The following TBCK variants were observed in gnomAD, a reference collection of about 807,000 sequenced individuals.
TBCK encodes TBC1 domain containing kinase, also known as TBC domain-containing protein kinase-like protein.
TBCK carries 99 observed loss-of-function variants against 113.4 expected under a neutral mutation model. The observed-to-expected ratio is 0.87, with a 90% confidence interval of 0.74 to 1.03. TBCK has a LOEUF of 1.03. Ranked by LOEUF, TBCK falls within the 50% of genes least tolerant of loss-of-function variation. The pLI is 0.00. For synonymous variants in TBCK, 369 were observed against 370.8 expected, an observed-to-expected ratio of 1.00 and a Z score of 0.05; for missense variants, 1,045 against 1,061.3, an observed-to-expected ratio of 0.98 and a Z score of 0.21.
Position 106,295,155 on chromosome 4 carries a change from C to G in TBCK, c.205G>C (p.Val69Leu). The G allele has an allele frequency of 6.2e-7, 1 of 1,612,206 alleles. No individual in the cohort carries two copies. ...CTACGTTCACAATGTTCAGCCACGA[C>G]CACTAGTCGTTCTGAGAAAAACAAA... Reference protein sequence around the residue: ...ISRGKHERLVVVAEHCERSLE... With the variant: ...ISRGKHERLVLVAEHCERSLE... Residue 69 changes from valine (V) to leucine (L), a missense_variant, in exon 3 of 26, where the codon GTC becomes CTC. Val to Leu is a conservative substitution (Grantham distance 32). Transcript: ENST00000394708.
chr4:106,226,029 T>C (rs1376663449), intron 19 of TBCK, among the ~76,000 whole-genome samples: 3 of 151,870 alleles, frequency 2.0e-5, no homozygotes, highest in African/African-American at 7.3e-5. Context: ...CCAGATGTGG[T>C]GATGCATGCC....
intron 3 of TBCK, among the ~76,000 whole-genome samples, chr4:106,279,760 C>T (rs78066783): frequency 0.018 from 2,765 of 152,168 alleles, 76 homozygotes; most frequent in African/African-American, 0.061. Flanking sequence ...AAATGACAGG[C>T]TCTAATTCTT....
intron 23 of TBCK, among the ~76,000 whole-genome samples, chr4:106,122,889 G>A (rs1365905714): frequency 6.6e-6 from 1 of 152,080 alleles, no homozygotes; most frequent in Non-Finnish European, 1.5e-5. Flanking sequence ...AATAATAAGA[G>A]CTATCTATGA....
intron 10 of TBCK, 52 bp downstream of exon 10, chr4:106,247,087 C>G: frequency 6.4e-7 from 1 of 1,557,414 alleles, no homozygotes; most frequent in Non-Finnish European, 8.7e-7. Flanking sequence ...GACAAGGAAA[C>G]TTCTTTAAAA....
In TBCK at chr4:106,052,761, C is replaced by A. The variant is rs571970799; in HGVS notation, c.2572-6081G>T. ...TGTACATTTTTATTTTAAAAAAAGTCAAAAAATATATAAATATAGACAAGA... is the reference window on the plus strand; with the variant it reads ...TGTACATTTTTATTTTAAAAAAAGTAAAAAAATATATAAATATAGACAAGA... On this transcript the variant is annotated intron_variant, in intron 25 of 25. Coordinates refer to ENST00000394708, the MANE Select transcript of TBCK (RefSeq NM_001163435.3). Among the ~76,000 whole-genome samples, 63 of 151,496 alleles carry A rather than the reference C, an allele frequency of 4.2e-4. 1 individual carries two copies. In the South Asian group the frequency reaches 0.012, roughly 28 times the overall value.
intron 23 of TBCK, among the ~76,000 whole-genome samples, chr4:106,125,850 G>A (rs1022580012): frequency 3.9e-5 from 6 of 152,150 alleles, no homozygotes; most frequent in Non-Finnish European, 5.9e-5. Context: ...GCACAGAAGA[G>A]TGACTATAGT....
At chr4:106,207,925 T>C (rs1414280646) in intron 20 of TBCK, among the ~76,000 whole-genome samples, 2 of 152,236 alleles carry the variant, frequency 1.3e-5, no homozygotes, top group African/African-American at 2.4e-5. Context: ...TCTTAACAAG[T>C]GACAGAACCG....
intron 25 of TBCK, among the ~76,000 whole-genome samples, chr4:106,051,930 G>A (rs541412717): frequency 7.2e-5 from 11 of 151,884 alleles, no homozygotes; most frequent in Non-Finnish European, 1.2e-4. Context: ...GTAGGAAAGA[G>A]GTGGGAATGA....
At chr4:106,107,220 C>T (rs1042690862) in intron 24 of TBCK, among the ~76,000 whole-genome samples, 2 of 152,172 alleles carry the variant, frequency 1.3e-5, no homozygotes, top group Non-Finnish European at 2.9e-5. Context: ...CAGTATTATA[C>T]AGATCACTGA....
intron 2 of TBCK, among the ~76,000 whole-genome samples, chr4:106,306,998 C>CT (rs900351779): frequency 4.6e-5 from 7 of 152,188 alleles, no homozygotes; most frequent in African/African-American, 1.2e-4. Context: ...AGACAATTAA[C>CT]TTTTTTTACC....
intron 25 of TBCK, among the ~76,000 whole-genome samples, chr4:106,071,875 C>A (rs977816404): frequency 6.6e-6 from 1 of 152,106 alleles, no homozygotes; most frequent in Admixed American, 6.6e-5. Context: ...CTCTTTTGAT[C>A]TTTGTTGGTT....
Position 106,237,828 on chromosome 4 carries a change from T to C in TBCK, c.1171-1020A>G, listed in dbSNP as rs1759640936. Among the ~76,000 whole-genome samples, 3 of 152,128 alleles carry C rather than the reference T, an allele frequency of 2.0e-5. 1 individual carries two copies. In the South Asian group the frequency reaches 6.2e-4, roughly 31 times the overall value. On this transcript the variant is annotated intron_variant, in intron 12 of 25. Coordinates refer to ENST00000394708, the MANE Select transcript of TBCK (RefSeq NM_001163435.3). Reference sequence around the variant, plus strand: ...TTCCCAAGTTTTACTGCATTATTAATACACATAAATCTTTTTAAAGATTAG... The same window carrying C: ...TTCCCAAGTTTTACTGCATTATTAACACACATAAATCTTTTTAAAGATTAG...
Position 106,316,151 on chromosome 4 carries a change from C to G in TBCK, c.-250G>C, listed in dbSNP as rs1294761275. 6.2e-6 allele frequency: 1 copy of G among 162,154 alleles called. No individual in the cohort carries two copies. Among genetic ancestry groups the G allele is most frequent in the African/African-American group, 2.4e-5 (1 of 41,890 alleles). The allele number at this position is 162,154 out of a possible 1,614,324, so 10.0% of individuals were successfully genotyped here. ...TCAGCCAAGGTTAACCTTCGCGGAA[C>G]CCGGCGAGGAGCGCAAGCCTGGCCT... is the stretch of plus-strand genomic sequence containing the variant. On this transcript the variant is annotated 5_prime_UTR_variant, in exon 1 of 26. Coordinates refer to ENST00000394708, the MANE Select transcript of TBCK (RefSeq NM_001163435.3).
chr4:106,108,380 C>T (rs1742428430), intron 24 of TBCK, among the ~76,000 whole-genome samples: 1 of 152,184 alleles, frequency 6.6e-6, no homozygotes, highest in South Asian at 2.1e-4. Context: ...TAAACTGAAT[C>T]CAGCAGCACA....
intron 5 of TBCK, among the ~76,000 whole-genome samples, chr4:106,252,417 G>A (rs2150067855): frequency 6.6e-6 from 1 of 151,936 alleles, no homozygotes; most frequent in Admixed American, 6.6e-5. Flanking sequence ...CTATAAAAAA[G>A]ATACAAATTG....
intron 23 of TBCK, among the ~76,000 whole-genome samples, chr4:106,120,626 A>C (rs1203574026): frequency 3.3e-5 from 5 of 152,350 alleles, no homozygotes; most frequent in Middle Eastern, 3.4e-3. Context: ...TCTGAGAACC[A>C]GCAGACTGTC....
At chr4:106,216,308 A>T (rs1308992304) in intron 19 of TBCK, among the ~76,000 whole-genome samples, 49 of 151,420 alleles carry the variant, frequency 3.2e-4, no homozygotes, top group Non-Finnish European at 4.3e-4. Flanking sequence ...TTAAAAGAAC[A>T]AGAAAAGCAA....
chr4:106,216,609 A>C (rs1560839716), intron 19 of TBCK, among the ~76,000 whole-genome samples: 1 of 152,208 alleles, frequency 6.6e-6, no homozygotes, highest in Non-Finnish European at 1.5e-5. Context: ...ATAAACTAGA[A>C]AACCTAGAAG....
chr4:106,210,763 C>G (rs1046908821), intron 20 of TBCK, among the ~76,000 whole-genome samples: 6 of 152,062 alleles, frequency 3.9e-5, no homozygotes, highest in African/African-American at 1.2e-4. Context: ...GTGCTTGGTA[C>G]ACAGTAAACA....
Sources: allele counts gnomAD v4.1 joint callset (sites outside exome capture counted in the v4.1 genomes callset), GRCh38; gene constraint gnomAD v4.1.1; transcripts MANE v1.5; gene names NCBI Gene and HGNC (gene_info 2026-07-23, HGNC 2026-07-21).